The following INF2 variants were observed in gnomAD, a reference collection of about 807,000 sequenced individuals.
INF2 encodes the protein inverted formin 2, also known as inverted formin-2.
A neutral mutation model predicts 123.5 loss-of-function variants in INF2; 43 were observed. That is an observed-to-expected ratio of 0.35 (90% CI 0.27 to 0.45). INF2 has a LOEUF of 0.45. Ranked by LOEUF, INF2 falls within the 20% of genes least tolerant of loss-of-function variation. The pLI is 1.00. For synonymous variants in INF2, 851 were observed against 745.0 expected, an observed-to-expected ratio of 1.14 and a Z score of -2.32; for missense variants, 1,453 against 1,682.7, an observed-to-expected ratio of 0.86 and a Z score of 2.39.
chr14:104,702,286 C>A (rs905951416), intron 2 of INF2, among the ~76,000 whole-genome samples: 1 of 152,218 alleles, frequency 6.6e-6, no homozygotes, highest in African/African-American at 2.4e-5. Context: ...ACTCCAGCAC[C>A]CAGGGGACTC....
intron 16 of INF2, among the ~76,000 whole-genome samples, chr14:104,712,049 A>G (rs1314205274): frequency 3.9e-5 from 6 of 152,156 alleles, no homozygotes; most frequent in Non-Finnish European, 8.8e-5. Flanking sequence ...ACGGAGGCCC[A>G]GGAAAGCAGT....
Position 104,708,439 on chromosome 14 carries a change from A to T in INF2, c.1739A>T (p.His580Leu). Residue 580 changes from histidine to leucine, a missense_variant, in exon 9 of 23, where the codon CAC (histidine) becomes CTC (leucine). His to Leu is a moderately conservative substitution (Grantham distance 99). Around this residue, in one of 8 missense-constraint regions of INF2, gnomAD observed 192 missense variants for 274.4 expected, o/e 0.70. Coordinates refer to ENST00000392634, the MANE Select transcript of INF2 (RefSeq NM_022489.4). ...QKLPSNVAREHNSMWASLSSP... is the reference protein window; with the variant it reads ...QKLPSNVARELNSMWASLSSP... ...TGGCCGTGTCCCCACCCGACAGAGC[A>T]CAACTCTATGTGGGCGTCCCTGAGC... 6.2e-7 allele frequency: 1 copy of T among 1,611,938 alleles called. No individual in the cohort carries two copies. The highest frequency in any genetic ancestry group is 8.5e-7 in the Non-Finnish European group (1 of 1,179,776).
intron 16 of INF2, among the ~76,000 whole-genome samples, chr14:104,712,217 G>C (rs961339776): frequency 4.6e-5 from 7 of 152,160 alleles, no homozygotes; most frequent in African/African-American, 1.7e-4. Flanking sequence ...TAGGCAAGCA[G>C]GACAGGCTGA....
chr14:104,710,051 G>C (rs1425584927), intron 12 of INF2, 37 bp from the exon 13 acceptor site: 1 of 1,484,992 alleles, frequency 6.7e-7, no homozygotes, highest in African/African-American at 1.4e-5. Flanking sequence ...ACAGGTGGGG[G>C]GTGCAGGCCA....
At chr14:104,706,464 G>A (rs1365193410) in intron 6 of INF2, among the ~76,000 whole-genome samples, 1 of 152,218 alleles carries the variant, frequency 6.6e-6, no homozygotes, top group African/African-American at 2.4e-5. Flanking sequence ...GCGGCCCACA[G>A]CCGGCCTTAC....
At chr14:104,682,093 A>G (rs1218362379) in intron 1 of INF2, among the ~76,000 whole-genome samples, 1 of 152,164 alleles carries the variant, frequency 6.6e-6, no homozygotes, top group Non-Finnish European at 1.5e-5. Context: ...CTGGCGAGGA[A>G]TTGGCACAGC....
chr14:104,698,714 C>A (rs1889320777), intron 1 of INF2, among the ~76,000 whole-genome samples: 1 of 152,212 alleles, frequency 6.6e-6, no homozygotes, highest in Non-Finnish European at 1.5e-5. Flanking sequence ...TTGGAACATT[C>A]TCCGGTGTAG....
Position 104,707,261 on chromosome 14 carries a change from T to G in INF2, c.994T>G (p.Cys332Gly), listed in dbSNP as rs1399811407. The G allele has an allele frequency of 3.1e-6, 5 of 1,609,084 alleles. 1 individual carries two copies. In the Admixed American group the frequency reaches 6.7e-5, roughly 22 times the overall value. The stretch of plus-strand genomic sequence containing the variant: ...GACATCCCCTACTGCAGCCCAGGAA[T>G]GCACCCTGGAGGAAGTGGTTGAGCG... ...AVLLASDAQE[C>G]TLEEVVERLL... Residue 332 changes from cysteine to glycine, a missense_variant, in exon 8 of 23, where the codon TGC becomes GGC. Around this residue, in one of 8 missense-constraint regions of INF2, gnomAD observed 374 missense variants for 303.7 expected, o/e 1.23. Coordinates refer to ENST00000392634, the MANE Select transcript of INF2 (RefSeq NM_022489.4).
intron 1 of INF2, among the ~76,000 whole-genome samples, chr14:104,697,047 C>T (rs746623821): frequency 6.6e-6 from 1 of 152,218 alleles, no homozygotes; most frequent in East Asian, 1.9e-4. Flanking sequence ...CCTGCCACCC[C>T]AGGGCTGCCA....
chr14:104,711,810 C>T (rs1463784522), intron 16 of INF2, 111 bp downstream of exon 16: 4 of 973,572 alleles, frequency 4.1e-6, no homozygotes, highest in Non-Finnish European at 6.3e-6. Context: ...TGCAGCGCAG[C>T]CCCGGCGCCA....
chr14:104,683,798 A>G (rs1403067779), intron 1 of INF2, among the ~76,000 whole-genome samples: 1 of 152,132 alleles, frequency 6.6e-6, no homozygotes. Context: ...ATCAGCCTAC[A>G]GGGCCTGCCC....
At chr14:104,693,473 G>A (rs1889049986) in intron 1 of INF2, among the ~76,000 whole-genome samples, 1 of 152,214 alleles carries the variant, frequency 6.6e-6, no homozygotes, top group South Asian at 2.1e-4. Context: ...TAGCTTTGAG[G>A]CTAACCCAGG....
chr14:104,700,801 C>G, intron 1 of INF2: 2 of 981,764 alleles, frequency 2.0e-6, no homozygotes, highest in Non-Finnish European at 2.4e-6. Flanking sequence ...CAGGGGAGAC[C>G]TGGGAGTCGC....
chr14:104,681,536 A>G (rs759616977), exon 1 of INF2: 3 of 1,288,418 alleles, frequency 2.3e-6, no homozygotes, highest in South Asian at 2.5e-5. Flanking sequence ...TCCACGTCTT[A>G]TGAAATTAGC....
intron 12 of INF2, 88 bp downstream of exon 12, chr14:104,709,793 A>G (rs887544945): frequency 2.4e-5 from 30 of 1,228,296 alleles, no homozygotes; most frequent in Admixed American, 8.6e-5. Flanking sequence ...CAGGGAGGAG[A>G]AGAGGCTGTG....
At chr14:104,709,879 G>A (rs1205194253) in intron 12 of INF2, among the ~76,000 whole-genome samples, 174 bp downstream of exon 12, 1 of 152,220 alleles carries the variant, frequency 6.6e-6, no homozygotes, top group Non-Finnish European at 1.5e-5. Flanking sequence ...CCCACCCCCA[G>A]TCCTTCCCCT....
chr14:104,720,330 T>G lies in INF2; in HGVS notation c.*1537T>G, dbSNP rs529584429. 3 of 172,060 alleles carry G rather than the reference T, an allele frequency of 1.7e-5. No homozygotes were observed. The highest frequency in any genetic ancestry group is 6.5e-5 in the Admixed American group (1 of 15,466). 10.7% of individuals were successfully genotyped at this position (172,060 alleles called of 1,614,324 possible). On this transcript the variant is annotated 3_prime_UTR_variant, in exon 23 of 23. Coordinates refer to ENST00000392634, the MANE Select transcript of INF2 (RefSeq NM_022489.4). Reference sequence around the variant, plus strand: ...CTGTGAATCCTGCTGCTGTGGACATTTGCGTAGTCCTCGTGTGGATGCTGC... The same window carrying G: ...CTGTGAATCCTGCTGCTGTGGACATGTGCGTAGTCCTCGTGTGGATGCTGC...
intron 12 of INF2, 112 bp downstream of exon 12, chr14:104,709,817 C>T (rs1239732405): frequency 3.1e-6 from 3 of 954,932 alleles, no homozygotes; most frequent in South Asian, 1.4e-5. Context: ...ATGGCTGCCC[C>T]GGGCTCCAGG....
chr14:104,704,775 C>T (rs757729812), intron 5 of INF2: 1 of 152,086 alleles, frequency 6.6e-6, no homozygotes, highest in Non-Finnish European at 1.5e-5. Context: ...CACATGTACC[C>T]CCGAGTCTAA....
Sources: allele counts gnomAD v4.1 joint callset (sites outside exome capture counted in the v4.1 genomes callset), GRCh38; gene constraint gnomAD v4.1.1; regional missense constraint gnomAD v4.1.1; transcripts MANE v1.5; gene names NCBI Gene and HGNC (gene_info 2026-07-23, HGNC 2026-07-21).